Variants in XYLT1 observed in about 807,000 individuals in gnomAD.
XYLT1 encodes the protein xylosyltransferase 1.
A neutral mutation model predicts 91.3 loss-of-function variants in XYLT1; 36 were observed. The observed-to-expected ratio is 0.39, with a 90% CI of 0.30 to 0.52. XYLT1 has a LOEUF of 0.52. Among genes scored for constraint, XYLT1 ranks in the 20% least tolerant of loss-of-function variants. XYLT1 has a pLI of 0.68. For missense variants in XYLT1, 1,242 were observed against 1,284.5 expected (o/e 0.97, Z 0.51); for synonymous variants, 588 against 532.0 (o/e 1.11, Z -1.45).
In XYLT1 at chr16:17,394,938, G is replaced by C. The variant is rs76863391; in HGVS notation, c.364-36888C>G. Among the ~76,000 whole-genome samples, 1,361 of 152,238 alleles carry C rather than the reference G, an allele frequency of 8.9e-3. 43 individuals are homozygous for C. In the East Asian group the frequency reaches 0.1, roughly 12 times the overall value. On this transcript the variant is annotated intron_variant, in intron 1 of 11. Coordinates refer to ENST00000261381, the MANE Select transcript of XYLT1 (RefSeq NM_022166.4). ...GAGTTCAACACCAGCCTGAGCAAGA[G>C]AGTGAGATCCCTGCCCATCCCCCCT...
intron 3 of XYLT1, among the ~76,000 whole-genome samples, chr16:17,256,130 G>A (rs2033626798): frequency 1.3e-5 from 2 of 152,180 alleles, no homozygotes; most frequent in Admixed American, 6.5e-5. Context: ...CCCTGTCCCT[G>A]CAGATGGGGG....
chr16:17,187,566 C>CAAA (rs57130941), intron 5 of XYLT1, among the ~76,000 whole-genome samples: 16,251 of 57,026 alleles, frequency 0.28, 2,773 homozygotes, highest in South Asian at 0.43. Flanking sequence ...AACGCTGTCT[C>CAAA]AAAAAAAAAA....
At chr16:17,180,460 T>G (rs2032043353) in intron 5 of XYLT1, among the ~76,000 whole-genome samples, 1 of 152,078 alleles carries the variant, frequency 6.6e-6, no homozygotes, top group South Asian at 2.1e-4. Flanking sequence ...TGAGAAAGGG[T>G]GGCAATGTTT....
intron 2 of XYLT1, among the ~76,000 whole-genome samples, chr16:17,309,636 C>A (rs977884427): frequency 6.6e-6 from 1 of 152,160 alleles, no homozygotes; most frequent in African/African-American, 2.4e-5. Context: ...ATTTTTCCAG[C>A]GCTGCAGATT....
intron 1 of XYLT1, among the ~76,000 whole-genome samples, chr16:17,372,500 G>T (rs765687397): frequency 1.3e-5 from 2 of 152,242 alleles, no homozygotes. Flanking sequence ...GCTTCCATCA[G>T]TGTGAGGACT....
chr16:17,401,147 G>A (rs116741214), intron 1 of XYLT1, among the ~76,000 whole-genome samples: 2,877 of 152,278 alleles, frequency 0.019, 85 homozygotes, highest in African/African-American at 0.064. Context: ...TGGCTGGAAA[G>A]CTTGCAAGGG....
chr16:17,377,289 C>A (rs1459811974), intron 1 of XYLT1, among the ~76,000 whole-genome samples: 1 of 150,332 alleles, frequency 6.7e-6, no homozygotes, highest in Non-Finnish European at 1.5e-5. Context: ...GAAGAAGGAC[C>A]TGGTTCTAGT....
intron 1 of XYLT1, among the ~76,000 whole-genome samples, chr16:17,379,125 C>A (rs1314076327): frequency 6.6e-6 from 1 of 152,190 alleles, no homozygotes; most frequent in Non-Finnish European, 1.5e-5. Flanking sequence ...TTGTCAGAGG[C>A]CAGCAGATCT....
intron 2 of XYLT1, among the ~76,000 whole-genome samples, chr16:17,281,439 C>T (rs2034057299): frequency 6.6e-6 from 1 of 152,172 alleles, no homozygotes; most frequent in South Asian, 2.1e-4. Context: ...GCAGTACTTC[C>T]TAACACTTCC....
At chr16:17,441,408 G>A (rs558551850) in intron 1 of XYLT1, among the ~76,000 whole-genome samples, 13 of 151,986 alleles carry the variant, frequency 8.6e-5, no homozygotes, top group East Asian at 7.8e-4. Flanking sequence ...GGAAATTTCC[G>A]GTTGCTTTTA....
chr16:17,123,145 G>A (rs2030133973), intron 10 of XYLT1, among the ~76,000 whole-genome samples: 1 of 152,140 alleles, frequency 6.6e-6, no homozygotes, highest in South Asian at 2.1e-4. Context: ...GAATTGCATT[G>A]AATTTGTAGA....
At chr16:17,452,217 C>G (rs1157739476) in intron 1 of XYLT1, among the ~76,000 whole-genome samples, 1 of 151,952 alleles carries the variant, frequency 6.6e-6, no homozygotes, top group Non-Finnish European at 1.5e-5. Flanking sequence ...TTAATACTAT[C>G]GTGTTTGCAT....
intron 2 of XYLT1, chr16:17,354,959 T>G (rs1166578312): frequency 2.6e-5 from 4 of 152,172 alleles, no homozygotes; most frequent in African/African-American, 9.7e-5. Flanking sequence ...CTCTTTAACA[T>G]GGGAAATCAG....
intron 1 of XYLT1, among the ~76,000 whole-genome samples, chr16:17,445,063 G>C (rs888585945): frequency 1.3e-5 from 2 of 152,156 alleles, no homozygotes; most frequent in Admixed American, 1.3e-4. Context: ...GCAGTAGCAC[G>C]ATCTCAGCTC....
rs1966744568 is a variant in XYLT1 at position 17,104,186 on chromosome 16, A to T, written c.*4509T>A. On this transcript the variant is annotated 3_prime_UTR_variant, in exon 12 of 12. Coordinates refer to ENST00000261381, the MANE Select transcript of XYLT1 (RefSeq NM_022166.4). The stretch of plus-strand genomic sequence containing the variant: ...AAGAGGCTTCCAGGGATGGGACAAG[A>T]TGGCTGTGTCAACACTTGGGATTTG... The T allele has an allele frequency of 1.3e-5, 2 of 152,748 alleles. No individual in the cohort carries two copies. Among genetic ancestry groups the T allele is most frequent in the South Asian group, 4.1e-4 (2 of 4,832 alleles). The allele number at this position is 152,748 out of a possible 1,614,324, so 9.5% of individuals were successfully genotyped here. A position where few individuals can be genotyped will look rare whatever the true frequency, so the allele number is the denominator to read the frequency against.
At chr16:17,204,966 C>CA (rs530525798) in intron 3 of XYLT1, among the ~76,000 whole-genome samples, 2,022 of 79,308 alleles carry the variant, frequency 0.025, 3 homozygotes, top group Non-Finnish European at 0.04. Flanking sequence ...TGCCCAGCTC[C>CA]AAAAAAAAAA....
chr16:17,432,686 G>A (rs188501595), intron 1 of XYLT1, among the ~76,000 whole-genome samples: 3 of 151,986 alleles, frequency 2.0e-5, no homozygotes, highest in Non-Finnish European at 2.9e-5. Context: ...TCTCAATAAA[G>A]TTGTTTAAAA....
At chr16:17,470,094 C>G (rs921828779) in intron 1 of XYLT1, among the ~76,000 whole-genome samples, 10 of 152,092 alleles carry the variant, frequency 6.6e-5, no homozygotes, top group African/African-American at 2.2e-4. Flanking sequence ...GGGAGCGAGT[C>G]ACCAAGACCT....
At chr16:17,200,773 G>C (rs144845540) in intron 3 of XYLT1, 119 bp from the exon 4 acceptor site, 9 of 1,150,072 alleles carry the variant, frequency 7.8e-6, no homozygotes, top group Non-Finnish European at 1.1e-5. Context: ...TCATCAAATT[G>C]GGCCTTAAAA....
Sources: allele counts gnomAD v4.1 joint callset (sites outside exome capture counted in the v4.1 genomes callset), GRCh38; gene constraint gnomAD v4.1.1; transcripts MANE v1.5; gene names NCBI Gene and HGNC (gene_info 2026-07-23, HGNC 2026-07-21).